The following ABCC4 variants were observed in gnomAD, a reference collection of about 807,000 sequenced individuals.
ABCC4 encodes ATP binding cassette subfamily C member 4 (PEL blood group), also known as ATP-binding cassette sub-family C member 4.
In ABCC4, 102 loss-of-function variants were observed where a neutral mutation model predicts 168.5. That is an observed-to-expected ratio of 0.61 (90% CI 0.52 to 0.71). The LOEUF (loss-of-function observed/expected upper bound fraction) is 0.71, where lower values mean the gene tolerates loss of function less well. Ranked by LOEUF, ABCC4 falls within the 30% of genes least tolerant of loss-of-function variation. The pLI is 0.00. For synonymous variants in ABCC4, 617 were observed against 590.7 expected, an observed-to-expected ratio of 1.04 and a Z score of -0.65; for missense variants, 1,402 against 1,605.8, an observed-to-expected ratio of 0.87 and a Z score of 2.17.
At chr13:95,027,299 T>C (rs1280004569) in intron 30 of ABCC4, among the ~76,000 whole-genome samples, 1 of 152,180 alleles carries the variant, frequency 6.6e-6, no homozygotes, top group Non-Finnish European at 1.5e-5. Context: ...GGGTGGCACA[T>C]TTCACTGTAC....
rs1185465610 is a variant in ABCC4 at position 95,177,724 on chromosome 13, G to C, written c.1710C>G (p.Ser570Arg). 2.5e-6 allele frequency: 4 copies of C among 1,610,432 alleles called. No homozygotes were observed. In the Admixed American group the frequency reaches 6.7e-5, roughly 27 times the overall value. Residue 570 changes from serine to arginine, a missense_variant, in exon 13 of 31, where the codon AGC becomes AGG. Ser to Arg is a moderately radical substitution (Grantham distance 110). Coordinates refer to ENST00000645237, the MANE Select transcript of ABCC4 (RefSeq NM_005845.5). ...DPLSAVDAEVSRHLFELCICQ... is the reference protein window; with the variant it reads ...DPLSAVDAEVRRHLFELCICQ... Reference sequence around the variant, plus strand: ...ACACTCACAGTTCGAACAAGTGTCTGCTAACTTCCGCATCTACTGCACTGA... The same window carrying C: ...ACACTCACAGTTCGAACAAGTGTCTCCTAACTTCCGCATCTACTGCACTGA...
chr13:95,236,620 ACT>A (rs796522437), intron 3 of ABCC4, among the ~76,000 whole-genome samples: 1,806 of 129,442 alleles, frequency 0.014, 29 homozygotes, highest in African/African-American at 0.048. Context: ...ACACACACAC[ACT>A]CTCTCTCACA....
intron 13 of ABCC4, among the ~76,000 whole-genome samples, chr13:95,172,147 C>G (rs1233795017): frequency 1.3e-5 from 2 of 152,086 alleles, no homozygotes; most frequent in Non-Finnish European, 2.9e-5. Flanking sequence ...GAAATTTTTT[C>G]TAAATTATGC....
intron 29 of ABCC4, among the ~76,000 whole-genome samples, chr13:95,042,749 CTGACT>C (rs1239211956): frequency 6.6e-6 from 1 of 152,182 alleles, no homozygotes; most frequent in Non-Finnish European, 1.5e-5. Flanking sequence ...GAGTGACCAA[CTGACT>C]TGTCTGCCAA....
At chr13:95,225,333 T>C (rs1007935416) in intron 4 of ABCC4, among the ~76,000 whole-genome samples, 1 of 152,184 alleles carries the variant, frequency 6.6e-6, no homozygotes, top group East Asian at 1.9e-4. Context: ...AAAAATCAAT[T>C]GTATTTCTAT....
rs1051941596 is a variant in ABCC4 at position 95,077,929 on chromosome 13, A to G, written c.2687-2378T>C. 3.9e-5 allele frequency among the ~76,000 whole-genome samples: 6 copies of G among 152,112 alleles called. No individual in the cohort carries two copies. The East Asian group carries it at 1.2e-3, about 29-fold the overall frequency. On this transcript the variant is annotated intron_variant, in intron 21 of 30. Coordinates refer to ENST00000645237, the MANE Select transcript of ABCC4 (RefSeq NM_005845.5). Reference sequence around the variant, plus strand: ...GAGTCCACAGTTCCGTAAGTGAAGGAGGAGGCCGCCAGGTATGAGACACTG... The same window carrying G: ...GAGTCCACAGTTCCGTAAGTGAAGGGGGAGGCCGCCAGGTATGAGACACTG...
At chr13:95,055,353 A>G (rs2033013244) in intron 26 of ABCC4, among the ~76,000 whole-genome samples, 1 of 152,228 alleles carries the variant, frequency 6.6e-6, no homozygotes, top group Non-Finnish European at 1.5e-5. Flanking sequence ...AATGTAAAAG[A>G]TTTAGTAGCC....
chr13:95,059,225 C>G (rs2033191171), intron 26 of ABCC4, among the ~76,000 whole-genome samples: 1 of 152,178 alleles, frequency 6.6e-6, no homozygotes, highest in Admixed American at 6.5e-5. Flanking sequence ...TGAATCCTGA[C>G]TCTGCTGTTT....
At chr13:95,174,632 C>T (rs189524289) in intron 13 of ABCC4, among the ~76,000 whole-genome samples, 14 of 152,194 alleles carry the variant, frequency 9.2e-5, no homozygotes, top group South Asian at 2.1e-4. Context: ...TTGTGCGATA[C>T]GCACACTGAT....
intron 15 of ABCC4, among the ~76,000 whole-genome samples, chr13:95,165,931 G>A (rs376507970): frequency 2.6e-5 from 4 of 152,204 alleles, no homozygotes; most frequent in South Asian, 2.1e-4. Flanking sequence ...ATACACACCC[G>A]CTACTCACCT....
At chr13:95,248,863 C>A (rs1194720877) in intron 1 of ABCC4, among the ~76,000 whole-genome samples, 2 of 152,050 alleles carry the variant, frequency 1.3e-5, no homozygotes, top group African/African-American at 2.4e-5. Flanking sequence ...CCCGGCAAAA[C>A]CCCATCTCTA....
At chr13:95,052,193 C>T (rs770525831) in intron 27 of ABCC4, among the ~76,000 whole-genome samples, 4 of 152,124 alleles carry the variant, frequency 2.6e-5, no homozygotes, top group Non-Finnish European at 4.4e-5. Context: ...GTTGGTCAGG[C>T]TGGTCTCAAA....
At position 95,044,283 on chromosome 13, in the gene ABCC4, C is replaced by T. The variant is rs145958534; in HGVS notation, c.3612G>A (p.Thr1204=). The change falls in exon 28 of 31, where the codon ACG becomes ACA. Residue 1204 remains threonine, a synonymous_variant. Transcript: ENST00000645237. The stretch of plus-strand genomic sequence containing the variant: ...CTTTATACCTTGGATCCACATTTGC[C>T]GTCGCTTCATCAATAATCAATATCT... The part of the protein sequence containing the change: ...KNQILIIDEA[T]ANVDPRTDEL... 20 of 1,611,588 alleles carry T rather than the reference C, an allele frequency of 1.2e-5. No individual in the cohort carries two copies. Among genetic ancestry groups the T allele is most frequent in the Admixed American group, 1.7e-5 (1 of 59,686 alleles).
At chr13:95,276,057 C>T (rs960980347) in intron 1 of ABCC4, among the ~76,000 whole-genome samples, 2 of 152,094 alleles carry the variant, frequency 1.3e-5, no homozygotes, top group Non-Finnish European at 2.9e-5. Context: ...TGTTAAAGGG[C>T]TTACTTGGTA....
intron 1 of ABCC4, among the ~76,000 whole-genome samples, chr13:95,275,000 C>T (rs2040938757): frequency 6.6e-6 from 1 of 152,142 alleles, no homozygotes; most frequent in Non-Finnish European, 1.5e-5. Context: ...TCACTTGAAC[C>T]CGGGAGGCAG....
chr13:95,282,012 C>G (rs2041136920), intron 1 of ABCC4, among the ~76,000 whole-genome samples: 1 of 152,038 alleles, frequency 6.6e-6, no homozygotes, highest in Non-Finnish European at 1.5e-5. Context: ...CAGGCTGAGG[C>G]AGGAGAATTG....
chr13:95,053,540 T>C (rs556801910), intron 26 of ABCC4, among the ~76,000 whole-genome samples: 1 of 152,282 alleles, frequency 6.6e-6, no homozygotes, highest in African/African-American at 2.4e-5. Context: ...CTATAGAAAT[T>C]AACTATCAAT....
intron 1 of ABCC4, among the ~76,000 whole-genome samples, chr13:95,295,595 T>C (rs915537221): frequency 2.0e-5 from 3 of 151,380 alleles, no homozygotes; most frequent in Non-Finnish European, 4.4e-5. Context: ...GAGGCAGAGA[T>C]TGTAGTGACC....
intron 13 of ABCC4, among the ~76,000 whole-genome samples, chr13:95,175,272 C>T (rs1415483209): frequency 6.6e-6 from 1 of 152,124 alleles, no homozygotes; most frequent in Non-Finnish European, 1.5e-5. Context: ...CTCACCCTAG[C>T]ACCTTAGAAA....
Sources: gnomAD v4.1 joint callset for allele counts (sites outside exome capture counted in the v4.1 genomes callset) on GRCh38, gnomAD v4.1.1 for gene constraint, MANE v1.5 for transcripts, NCBI Gene and HGNC (gene_info 2026-07-23, HGNC 2026-07-21) for gene names.